The following RBBP8NL variants were observed in gnomAD, a reference collection of about 807,000 sequenced individuals.
The protein encoded by RBBP8NL is RBBP8 N-terminal-like protein.
In RBBP8NL, 59 loss-of-function variants were observed where a neutral mutation model predicts 62.2. The observed-to-expected ratio is 0.95, with a 90% CI of 0.77 to 1.18. The LOEUF is 1.18. Among genes scored for constraint, RBBP8NL ranks in the 50% most tolerant of loss-of-function variants. The pLI is 0.00. For synonymous variants in RBBP8NL, 412 were observed against 394.1 expected (o/e 1.05, Z -0.54); for missense variants, 896 against 899.5 (o/e 1.00, Z 0.05).
chr20:62,420,888 G>A (rs937912543), intron 1 of RBBP8NL, among the ~76,000 whole-genome samples: 2 of 152,274 alleles, frequency 1.3e-5, no homozygotes, highest in African/African-American at 4.8e-5. Context: ...GAATTAAGGG[G>A]CCGTGGGGCC....
rs1490528856 is a variant in RBBP8NL at position 62,417,268 on chromosome 20, T to C, written c.156A>G (p.Glu52=). ...ELFSKNHQLR[E]QQKTLKENLR... ...GGTTCTCCTTCAGTGTCTTCTGCTG[T>C]TCCCGGAGCTGGTGGTTCTTGGAGA... Residue 52 remains glutamate (E), a synonymous_variant, in exon 4 of 14, where the codon GAA becomes GAG. Transcript: ENST00000252998. The C allele has an allele frequency of 4.4e-6, 7 of 1,606,562 alleles. No individual in the cohort carries two copies. Among genetic ancestry groups the C allele is most frequent in the Admixed American group, 1.7e-5 (1 of 59,122 alleles).
At chr20:62,418,245 G>A (rs952040792) in intron 3 of RBBP8NL, among the ~76,000 whole-genome samples, 178 bp downstream of exon 3, 6 of 152,204 alleles carry the variant, frequency 3.9e-5, no homozygotes, top group Middle Eastern at 3.2e-3. Context: ...TTCAAGTGCT[G>A]GCTTCGCTGC....
At chr20:62,417,170 C>A in intron 4 of RBBP8NL, 54 bp downstream of exon 4, 5 of 1,386,640 alleles carry the variant, frequency 3.6e-6, no homozygotes, top group South Asian at 2.5e-5. Context: ...TCACCTCCTC[C>A]TCTCCTGAGC....
chr20:62,416,685 T>C (rs1988574205), intron 5 of RBBP8NL, 75 bp downstream of exon 5: 8 of 1,017,236 alleles, frequency 7.9e-6, no homozygotes, highest in Non-Finnish European at 1.2e-5. Context: ...CCCATGCCCC[T>C]ACATGGGCTG....
In RBBP8NL at chr20:62,411,356, C is replaced by T. The variant is rs566015982; in HGVS notation, c.1877-360G>A. On this transcript the variant is annotated intron_variant, in intron 13 of 13. Coordinates refer to ENST00000252998, the MANE Select transcript of RBBP8NL (RefSeq NM_080833.3). ...CCGGGCTAGGGCCACATGGGAGGGG[C>T]GCCTGGTTCCTGCGATGGTCCGGGG... is the stretch of plus-strand genomic sequence containing the variant. Among the ~76,000 whole-genome samples the T allele has an allele frequency of 3.9e-4, 60 of 152,340 alleles. 1 individual carries two copies. Among genetic ancestry groups the T allele is most frequent in the South Asian group, 1.2e-3 (6 of 4,832 alleles).
intron 1 of RBBP8NL, among the ~76,000 whole-genome samples, chr20:62,425,576 C>T (rs1414020511): frequency 6.6e-6 from 1 of 152,232 alleles, no homozygotes; most frequent in Non-Finnish European, 1.5e-5. Flanking sequence ...CTTACCCTGT[C>T]CTCTGGGAGG....
In RBBP8NL at chr20:62,417,296, A is replaced by G. The variant is rs1161248903; in HGVS notation, c.128T>C (p.Leu43Pro). The change falls in exon 4 of 14, where the codon CTC (leucine) becomes CCC (proline). Residue 43 changes from leucine to proline, a missense_variant. Leu to Pro is a moderately conservative substitution (Grantham distance 98). Coordinates refer to ENST00000252998, the MANE Select transcript of RBBP8NL (RefSeq NM_080833.3). Reference protein sequence around the residue: ...RCRDAQRIEELFSKNHQLREQ... With the variant: ...RCRDAQRIEEPFSKNHQLREQ... ...CCGGAGCTGGTGGTTCTTGGAGAAG[A>G]GCTCCTCGATCCTCTGGGCGTCCCT... 1 of 1,602,740 alleles carries G rather than the reference A, an allele frequency of 6.2e-7. No homozygotes were observed. Among genetic ancestry groups the G allele is most frequent in the South Asian group, 1.1e-5 (1 of 88,810 alleles).
Position 62,415,815 on chromosome 20 carries a change from G to A in RBBP8NL, c.517C>T (p.His173Tyr). Residue 173 changes from histidine to tyrosine, a missense_variant, in exon 7 of 14, where the codon CAC becomes TAC. Physicochemically the swap from His to Tyr is moderately conservative, Grantham distance 83. Coordinates refer to ENST00000252998, the MANE Select transcript of RBBP8NL (RefSeq NM_080833.3). ...PGGHEEAEED[H>Y]QGVGLRGEEK... ...TCTCCCCGTAGGCCCACGCCCTGGT[G>A]GTCTTCCTCAGCCTCCTCGTGGCCT... 1 of 1,612,444 alleles carries A rather than the reference G, an allele frequency of 6.2e-7. No individual in the cohort carries two copies. Among genetic ancestry groups the A allele is most frequent in the Non-Finnish European group, 8.5e-7 (1 of 1,179,896 alleles).
Position 62,413,946 on chromosome 20 carries a change from C to CGGCAG in RBBP8NL, c.1400_1404dup (p.Ala469LeufsTer18). 6.3e-7 allele frequency: 1 copy of CGGCAG among 1,583,770 alleles called. No homozygotes were observed. Among genetic ancestry groups the CGGCAG allele is most frequent in the Middle Eastern group, 1.7e-4 (1 of 5,860 alleles). On this transcript the variant is annotated frameshift_variant, in exon 10 of 14. Transcript: ENST00000252998. LOFTEE classifies it high-confidence loss of function. ...GGCTCGGGGCTGGCAGTGTGGGCAG[C>CGGCAG]GGCAGGGCTGAGTGACCCATGCTGG... is the stretch of plus-strand genomic sequence containing the variant.
intron 5 of RBBP8NL, 53 bp downstream of exon 5, chr20:62,416,707 G>T: frequency 1.5e-6 from 2 of 1,297,328 alleles, no homozygotes; most frequent in Non-Finnish European, 1.1e-6. Flanking sequence ...ACAGGCCTGG[G>T]GTCGCCTGGC....
intron 1 of RBBP8NL, among the ~76,000 whole-genome samples, chr20:62,420,904 A>T (rs1231666063): frequency 6.6e-6 from 1 of 152,246 alleles, no homozygotes; most frequent in Non-Finnish European, 1.5e-5. Context: ...GGGCCTTTGC[A>T]GGCTGGGCCT....
In RBBP8NL at chr20:62,414,211, T is replaced by G. The variant is rs538381384; in HGVS notation, c.1140A>C (p.Thr380=). ...AGSVRPRGQP[T]PGEMLPSLPV... is the part of the protein sequence containing the mutation. ...GTAGGGAGGGCAGCATCTCCCCGGGTGTGGGCTGGCCCCTTGGCCTGACAC... is the reference window on the plus strand; with the variant it reads ...GTAGGGAGGGCAGCATCTCCCCGGGGGTGGGCTGGCCCCTTGGCCTGACAC... The change falls in exon 10 of 14, where the codon ACA becomes ACC. Residue 380 remains threonine, a synonymous_variant. Transcript: ENST00000252998. 2 of 1,607,056 alleles carry G rather than the reference T, an allele frequency of 1.2e-6. No individual in the cohort carries two copies. Among genetic ancestry groups the G allele is most frequent in the African/African-American group, 2.7e-5 (2 of 74,944 alleles).
At chr20:62,416,370 G>A (rs1601487551) in intron 5 of RBBP8NL, 134 bp from the exon 6 acceptor site, 1 of 781,986 alleles carries the variant, frequency 1.3e-6, no homozygotes, top group South Asian at 1.5e-5. Flanking sequence ...GGCAGCAGGG[G>A]CGCCGTGGAT....
Position 62,414,547 on chromosome 20 carries a change from C to T in RBBP8NL, c.804G>A (p.Arg268=). The T allele has an allele frequency of 1.4e-6, 2 of 1,422,752 alleles. No individual in the cohort carries two copies. The allele number at this position is 1,422,752 out of a possible 1,614,324, so 88.1% of individuals were successfully genotyped here. A position where few individuals can be genotyped will look rare whatever the true frequency, so the allele number is the denominator to read the frequency against. The change falls in exon 10 of 14, where the codon CGG becomes CGA. Residue 268 remains arginine, a synonymous_variant. Coordinates refer to ENST00000252998, the MANE Select transcript of RBBP8NL (RefSeq NM_080833.3). The part of the protein sequence containing the change: ...ERGLSLDSFL[R]ASRPSAMTHE... ...GGGTCATGGCGGAGGGCCGGGAGGC[C>T]CGCAGGAAGCTGTGAGGGAGGAGAA...
At position 62,417,559 on chromosome 20, in the gene RBBP8NL, GC is replaced by G. The variant is rs1237613023; in HGVS notation, c.105-241del. Among the ~76,000 whole-genome samples the G allele has an allele frequency of 5.2e-5, 2 of 38,402 alleles. 1 individual carries two copies. The highest frequency in any genetic ancestry group is 1.1e-4 in the Non-Finnish European group (2 of 18,006). 25.2% of individuals were successfully genotyped at this position (38,402 alleles called of 152,430 possible). The stretch of plus-strand genomic sequence containing the variant: ...GTGACGTCTGTCCCGTCCACGCAAC[GC>G]CCCCCCAGTCATCTGCACGCTCCTC... On this transcript the variant is annotated intron_variant, in intron 3 of 13. Transcript: ENST00000252998.
In RBBP8NL at chr20:62,415,942, G is replaced by A. The variant is rs532035768; in HGVS notation, c.390C>T (p.Asp130=). 2.0e-6 allele frequency: 3 copies of A among 1,528,770 alleles called. No individual in the cohort carries two copies. The highest frequency in any genetic ancestry group is 2.4e-5 in the East Asian group (1 of 41,106). The allele number at this position is 1,528,770 out of a possible 1,614,324, so 94.7% of individuals were successfully genotyped here. The change falls in exon 7 of 14, where the codon GAC becomes GAT. Residue 130 remains aspartate, a synonymous_variant. Coordinates refer to ENST00000252998, the MANE Select transcript of RBBP8NL (RefSeq NM_080833.3). ...EEVKRLRGLG[D]RPKPRAKEGT... The stretch of plus-strand genomic sequence containing the variant: ...CCTCCTTGGCCCGGGGCTTGGGCCT[G>A]TCTCTAGAGGGGAGGCAGAGACAGG...
rs551981861 is a variant in RBBP8NL, at chr20:62,414,631, G to A, written c.795-75C>T. 5.0e-5 allele frequency: 69 copies of A among 1,377,728 alleles called. No individual in the cohort carries two copies. In the Middle Eastern group the frequency reaches 5.8e-4, roughly 12 times the overall value. The allele number at this position is 1,377,728 out of a possible 1,614,324, so 85.3% of individuals were successfully genotyped here. On this transcript the variant is annotated intron_variant, in intron 9 of 13. Transcript: ENST00000252998. ...GTCCCAGCGAGCCCTGAGAGGGAGA[G>A]ACGACAGGCACCCACTCCACAGGCG...
At position 62,414,164 on chromosome 20, in the gene RBBP8NL, C is replaced by T. The variant is rs1268301238; in HGVS notation, c.1187G>A (p.Gly396Asp). ...TGCCCTGGTCCCCTCATTCTCAGGG[C>T]CCTCAGAGTCTGAGCCGACTGGTAG... is the stretch of plus-strand genomic sequence containing the variant. ...PSLPVGSDSE[G>D]PENEGTRAAL... The change falls in exon 10 of 14, where the codon GGC becomes GAC. Residue 396 changes from glycine to aspartate, a missense_variant. Physicochemically the swap from Gly to Asp is moderately conservative, Grantham distance 94. Coordinates refer to ENST00000252998, the MANE Select transcript of RBBP8NL (RefSeq NM_080833.3). The T allele has an allele frequency of 1.2e-6, 2 of 1,608,646 alleles. No individual in the cohort carries two copies. Among genetic ancestry groups the T allele is most frequent in the East Asian group, 2.2e-5 (1 of 44,818 alleles).
rs767674245 is a variant in RBBP8NL at position 62,415,303 on chromosome 20, G to T, written c.628-16C>A. 9.0e-6 allele frequency: 14 copies of T among 1,562,030 alleles called. 1 individual carries two copies. In the South Asian group the frequency reaches 1.6e-4, roughly 18 times the overall value. ...GCTGGGGGCTCTGTGAGGATGGGTGGGTCAGCCTGGGCGGGGGCATGCGTG... is the reference window on the plus strand; with the variant it reads ...GCTGGGGGCTCTGTGAGGATGGGTGTGTCAGCCTGGGCGGGGGCATGCGTG... On this transcript the variant is annotated splice_polypyrimidine_tract_variant and intron_variant, in intron 8 of 13. Coordinates refer to ENST00000252998, the MANE Select transcript of RBBP8NL (RefSeq NM_080833.3).
Sources: gnomAD v4.1 joint callset for allele counts (sites outside exome capture counted in the v4.1 genomes callset) on GRCh38, gnomAD v4.1.1 for gene constraint, MANE v1.5 for transcripts, NCBI Gene and HGNC (gene_info 2026-07-23, HGNC 2026-07-21) for gene names.